PTPRO: variants seen among roughly 807,000 people sequenced by gnomAD.
PTPRO encodes receptor-type tyrosine-protein phosphatase O.
Under a neutral mutation model 145.2 loss-of-function variants are expected in PTPRO, and 62 were observed. The observed-to-expected ratio is 0.43, with a 90% CI of 0.35 to 0.53. The LOEUF (loss-of-function observed/expected upper bound fraction) is 0.53. PTPRO is among the 20% of genes least tolerant of loss of function. The probability of loss-of-function intolerance (pLI) is 0.01; values close to 1 mark genes in which losing one functional copy is unlikely to be tolerated. For missense variants in PTPRO, 1,345 were observed against 1,482.7 expected (o/e 0.91, Z 1.53); for synonymous variants, 565 against 514.7 (o/e 1.10, Z -1.32).
intron 12 of PTPRO, among the ~76,000 whole-genome samples, chr12:15,542,526 T>C (rs1489774280): frequency 6.6e-6 from 1 of 152,210 alleles, no homozygotes; most frequent in Non-Finnish European, 1.5e-5. Context: ...AGCCAGTTTT[T>C]GCCAGAAATT....
intron 1 of PTPRO, among the ~76,000 whole-genome samples, chr12:15,371,963 G>C (rs1938544272): frequency 6.6e-6 from 1 of 152,156 alleles, no homozygotes; most frequent in African/African-American, 2.4e-5. Context: ...ATGCTGAACT[G>C]TGAGTCAACT....
At chr12:15,439,804 T>C (rs1418043629) in intron 1 of PTPRO, 4 of 610,212 alleles carry the variant, frequency 6.6e-6, no homozygotes, top group Admixed American at 2.1e-5. Context: ...CAGATATCAT[T>C]GACTTTTTCT....
chr12:15,485,005 G>C (rs986036717), intron 2 of PTPRO, among the ~76,000 whole-genome samples: 1 of 152,024 alleles, frequency 6.6e-6, no homozygotes, highest in African/African-American at 2.4e-5. Flanking sequence ...ACAATATAAT[G>C]GCTCAGCAAA....
At chr12:15,592,972 TTTATTTAC>T (rs1944583965) in intron 25 of PTPRO, among the ~76,000 whole-genome samples, 1 of 152,210 alleles carries the variant, frequency 6.6e-6, no homozygotes, top group Admixed American at 6.5e-5. Flanking sequence ...ATAAATAGTC[TTTATTTAC>T]TTTTCTTGTG....
chr12:15,470,630 T>A (rs1417821427), intron 1 of PTPRO, among the ~76,000 whole-genome samples: 1 of 152,204 alleles, frequency 6.6e-6, no homozygotes, highest in Non-Finnish European at 1.5e-5. Flanking sequence ...CAGGAAATAA[T>A]TGCTGCATTA....
intron 1 of PTPRO, among the ~76,000 whole-genome samples, chr12:15,441,547 A>G (rs905431354): frequency 6.6e-6 from 1 of 152,182 alleles, no homozygotes; most frequent in Admixed American, 6.5e-5. Context: ...AAAAATTCAT[A>G]CAAAGTATCA....
rs1223045742 is a variant in PTPRO, at chr12:15,501,981, C to T, written c.1023C>T (p.Phe341=). The part of the protein sequence containing the change: ...EKSTSGSFSF[F]PVQMILTWLP... Reference sequence around the variant, plus strand: ...CAACATCAGGCTCTTTCTCCTTTTTCCCTGTGCAAATGATATTGACCTGGT... The same window carrying T: ...CAACATCAGGCTCTTTCTCCTTTTTTCCTGTGCAAATGATATTGACCTGGT... The change falls in exon 5 of 27, where the codon TTC becomes TTT. Residue 341 remains phenylalanine (F), a synonymous_variant. Transcript: ENST00000281171. The T allele has an allele frequency of 1.2e-6, 2 of 1,613,860 alleles. No individual in the cohort carries two copies. The highest frequency in any genetic ancestry group is 1.7e-6 in the Non-Finnish European group (2 of 1,179,930).
chr12:15,502,123 GT>G lies in PTPRO; in HGVS notation c.1105+65del, dbSNP rs2136470811. On this transcript the variant is annotated intron_variant, in intron 5 of 26. Coordinates refer to ENST00000281171, the MANE Select transcript of PTPRO (RefSeq NM_030667.3). ...GATACAAAGGAAGGGGAATTGAAAT[GT>G]TTTTAAATTTGAGTTTAGAAAGACT... is the stretch of plus-strand genomic sequence containing the variant. 6 of 1,501,294 alleles carry G rather than the reference GT, an allele frequency of 4.0e-6. No homozygotes were observed. In the South Asian group the frequency reaches 6.9e-5, roughly 17 times the overall value. 93.0% of individuals were successfully genotyped at this position (1,501,294 alleles called of 1,614,324 possible).
At chr12:15,451,679 A>G (rs755419786) in intron 1 of PTPRO, among the ~76,000 whole-genome samples, 11 of 152,236 alleles carry the variant, frequency 7.2e-5, no homozygotes, top group Non-Finnish European at 1.6e-4. Context: ...ATTGGAAATC[A>G]ACTCCAAAAG....
chr12:15,433,573 A>G (rs540290715), intron 1 of PTPRO, among the ~76,000 whole-genome samples: 1 of 152,196 alleles, frequency 6.6e-6, no homozygotes, highest in Non-Finnish European at 1.5e-5. Flanking sequence ...TCTTCTGCAT[A>G]TGGCTAGCCA....
intron 22 of PTPRO, 72 bp downstream of exon 22, chr12:15,580,903 T>C: frequency 6.4e-7 from 1 of 1,573,644 alleles, no homozygotes; most frequent in Non-Finnish European, 8.7e-7. Context: ...ATGAAATGCT[T>C]GCTGTTTTCA....
At chr12:15,358,874 G>A (rs1324141447) in intron 1 of PTPRO, among the ~76,000 whole-genome samples, 4 of 152,202 alleles carry the variant, frequency 2.6e-5, no homozygotes, top group African/African-American at 9.7e-5. Flanking sequence ...CATCTGCTAA[G>A]GATTCTAAGC....
Position 15,557,521 on chromosome 12 carries a change from C to G in PTPRO, c.2625C>G (p.Asn875Lys). ...SLERDGKLPY[N>K]WRRSIFAFLT... Reference sequence around the variant, plus strand: ...AGAGGGATGGAAAGCTTCCATACAACTGGTGAGTATTGTTTTGGAACAAGC... The same window carrying G: ...AGAGGGATGGAAAGCTTCCATACAAGTGGTGAGTATTGTTTTGGAACAAGC... Residue 875 changes from asparagine (N) to lysine (K), a missense_variant and splice_region_variant, in exon 16 of 27, where the codon AAC (asparagine) becomes AAG (lysine). Transcript: ENST00000281171. The G allele has an allele frequency of 6.2e-7, 1 of 1,612,728 alleles. No homozygotes were observed. Among genetic ancestry groups the G allele is most frequent in the Non-Finnish European group, 8.5e-7 (1 of 1,178,808 alleles).
chr12:15,540,647 G>A (rs978571740), intron 12 of PTPRO, among the ~76,000 whole-genome samples: 1 of 152,158 alleles, frequency 6.6e-6, no homozygotes, highest in Middle Eastern at 3.2e-3. Flanking sequence ...TCTGCTCCTA[G>A]GCTAAATATT....
At chr12:15,486,978 A>G (rs1178373648) in intron 2 of PTPRO, among the ~76,000 whole-genome samples, 1 of 152,026 alleles carries the variant, frequency 6.6e-6, no homozygotes, top group Non-Finnish European at 1.5e-5. Context: ...TTCATCACAG[A>G]TTTCCAGTTC....
intron 12 of PTPRO, among the ~76,000 whole-genome samples, chr12:15,528,841 G>T (rs937207729): frequency 1.3e-5 from 2 of 152,020 alleles, no homozygotes; most frequent in African/African-American, 4.8e-5. Context: ...AACTGTACAG[G>T]CCATGAGGAA....
intron 6 of PTPRO, among the ~76,000 whole-genome samples, chr12:15,504,749 G>T (rs1211824697): frequency 6.6e-6 from 1 of 152,132 alleles, no homozygotes; most frequent in Non-Finnish European, 1.5e-5. Flanking sequence ...CCGATCAGTA[G>T]AAAGAAAAAC....
chr12:15,473,425 C>T (rs781546599), intron 1 of PTPRO, among the ~76,000 whole-genome samples: 5 of 152,082 alleles, frequency 3.3e-5, no homozygotes, highest in Admixed American at 6.6e-5. Flanking sequence ...ACGTAATTAC[C>T]GAATTCTGTA....
At chr12:15,385,127 C>T (rs1362872304) in intron 1 of PTPRO, among the ~76,000 whole-genome samples, 8 of 152,142 alleles carry the variant, frequency 5.3e-5, no homozygotes, top group Non-Finnish European at 8.8e-5. Context: ...GTCAATTCAA[C>T]AATTTACAGG....
Sources: gnomAD v4.1 joint callset for allele counts (sites outside exome capture counted in the v4.1 genomes callset) on GRCh38, gnomAD v4.1.1 for gene constraint, MANE v1.5 for transcripts, NCBI Gene and HGNC (gene_info 2026-07-23, HGNC 2026-07-21) for gene names.